Variants in SOX6 observed in about 807,000 individuals in gnomAD.
SOX6 encodes the protein SRY-box transcription factor 6, also known as transcription factor SOX-6.
A neutral mutation model predicts 97.8 loss-of-function variants in SOX6; 11 were observed. The observed-to-expected ratio is 0.11, with a 90% confidence interval of 0.07 to 0.19. SOX6 has a LOEUF of 0.19. Ranked by LOEUF, SOX6 falls within the 10% of genes least tolerant of loss-of-function variation. The probability of loss-of-function intolerance (pLI) is 1.00; values close to 1 mark genes in which losing one functional copy is unlikely to be tolerated. For missense variants in SOX6, 810 were observed against 1,039.5 expected (o/e 0.78, Z 3.04); for synonymous variants, 360 against 371.4 (o/e 0.97, Z 0.35).
At chr11:16,460,735 T>C (rs766660782) in intron 1 of SOX6, among the ~76,000 whole-genome samples, 1 of 152,092 alleles carries the variant, frequency 6.6e-6, no homozygotes, top group Non-Finnish European at 1.5e-5. Context: ...GAGAGAGTTT[T>C]AAAAGTAACC....
At chr11:16,596,154 T>C (rs921273735) in intron 4 of SOX6, among the ~76,000 whole-genome samples, 1 of 152,252 alleles carries the variant, frequency 6.6e-6, no homozygotes, top group Non-Finnish European at 1.5e-5. Flanking sequence ...TTGTCCATTT[T>C]CTAAAAGTGT....
At chr11:16,713,359 A>C (rs1027923503) in intron 3 of SOX6, among the ~76,000 whole-genome samples, 1 of 149,318 alleles carries the variant, frequency 6.7e-6, no homozygotes, top group Non-Finnish European at 1.5e-5. Context: ...AATATAGACA[A>C]AATAGTCCTC....
At position 16,551,862 on chromosome 11, in the gene SOX6, C is replaced by T. The variant is rs538271161; in HGVS notation, n.609+60219G>A. Among the ~76,000 whole-genome samples, 9 of 152,210 alleles carry T rather than the reference C, an allele frequency of 5.9e-5. No homozygotes were observed. The East Asian group carries it at 1.7e-3, about 29-fold the overall frequency. On this transcript the variant is annotated intron_variant and non_coding_transcript_variant, in intron 4 of 5. Transcript: ENST00000524520. ...TCAGGTGATCTGCCCACCTCAGCCT[C>T]CCAAAGTGCTGGGATTACAGGCATG...
chr11:16,655,441 C>T (rs1847708060), intron 3 of SOX6, among the ~76,000 whole-genome samples: 1 of 152,118 alleles, frequency 6.6e-6, no homozygotes, highest in Admixed American at 6.6e-5. Flanking sequence ...CGAAAGGTGA[C>T]ATAAAGGGCA....
intron 6 of SOX6, among the ~76,000 whole-genome samples, chr11:16,139,990 C>T (rs369119301): frequency 1.8e-4 from 26 of 146,624 alleles, no homozygotes; most frequent in African/African-American, 3.0e-4. Context: ...ATATGACATA[C>T]GGGAGATAGG....
intron 1 of SOX6, among the ~76,000 whole-genome samples, chr11:16,386,055 T>C (rs115591915): frequency 0.017 from 2,589 of 152,274 alleles, 70 homozygotes; most frequent in African/African-American, 0.059. Flanking sequence ...CCCAGCCTTA[T>C]TTCAAAGCTG....
rs1243620793 is a variant in SOX6, at chr11:16,607,802, G to C, written n.609+4279C>G. On this transcript the variant is annotated intron_variant and non_coding_transcript_variant, in intron 4 of 5. Coordinates refer to the SOX6 transcript ENST00000524520. This position sits in a 1 kb window ranked among gnomAD's most constrained non-coding sequence, Gnocchi z 6.5. ...ATCTGAGCGAGGGAGAGGAGGCTGG[G>C]CTCCCCTCCCAGACAACACAGGCAA... 6.6e-6 allele frequency: 1 copy of C among 152,390 alleles called. No individual in the cohort carries two copies. Among genetic ancestry groups the C allele is most frequent in the African/African-American group, 2.4e-5 (1 of 41,430 alleles). The allele number at this position is 152,390 out of a possible 1,614,324, so 9.4% of individuals were successfully genotyped here. A position where few individuals can be genotyped will look rare whatever the true frequency, so the allele number is the denominator to read the frequency against.
intron 3 of SOX6, among the ~76,000 whole-genome samples, chr11:16,251,593 T>A (rs529557701): frequency 6.6e-6 from 1 of 152,144 alleles, no homozygotes; most frequent in Non-Finnish European, 1.5e-5. Flanking sequence ...GGATCTATAA[T>A]GTAAAGCCCT....
upstream of SOX6, among the ~76,000 whole-genome samples, chr11:16,356,919 A>G (rs190291978): frequency 3.9e-5 from 6 of 152,256 alleles, no homozygotes; most frequent in East Asian, 1.2e-3. Context: ...TCTGTTTGGT[A>G]GAGAGGATAC....
chr11:16,413,252 T>C (rs1858858280), intron 1 of SOX6, among the ~76,000 whole-genome samples: 1 of 152,168 alleles, frequency 6.6e-6, no homozygotes, highest in Non-Finnish European at 1.5e-5. Flanking sequence ...AAAGTATTCT[T>C]CATTCGATAA....
intron 3 of SOX6, among the ~76,000 whole-genome samples, chr11:16,641,665 C>T (rs1467838945): frequency 5.3e-5 from 8 of 152,182 alleles, no homozygotes; most frequent in Non-Finnish European, 1.2e-4. Flanking sequence ...ATGTAATGGC[C>T]TTCTTTGTCT....
At chr11:16,098,318 T>C (rs1359142633) in intron 7 of SOX6, among the ~76,000 whole-genome samples, 1 of 151,860 alleles carries the variant, frequency 6.6e-6, no homozygotes, top group East Asian at 1.9e-4. Context: ...TAGTACAGAA[T>C]CATGCATACT....
At chr11:15,974,463 A>C (rs1225009169) in intron 15 of SOX6, among the ~76,000 whole-genome samples, 2 of 134,108 alleles carry the variant, frequency 1.5e-5, no homozygotes, top group Non-Finnish European at 3.0e-5. Context: ...ATATGTATAC[A>C]TGTGCCATGC....
chr11:16,233,136 T>C (rs957694655), intron 4 of SOX6, among the ~76,000 whole-genome samples: 13 of 152,180 alleles, frequency 8.5e-5, no homozygotes, highest in Non-Finnish European at 1.9e-4. Context: ...TTATCAAATT[T>C]TCATCTTAAC....
chr11:16,046,571 A>G lies in SOX6; in HGVS notation c.1566T>C (p.Val522=). The change falls in exon 12 of 16, where the codon GTT becomes GTC. Residue 522 remains valine, a synonymous_variant. Coordinates refer to ENST00000683767, the MANE Select transcript of SOX6 (RefSeq NM_001367873.1). ...TATTTATGGAGGACAGTTTCCCGTC[A>G]ACACCATGTGGCTGTTGCTGCTGTT... ...REQQQQQPHG[V]DGKLSSINNM... is the part of the protein sequence containing the mutation. 1 of 1,613,792 alleles carries G rather than the reference A, an allele frequency of 6.2e-7. No individual in the cohort carries two copies. Among genetic ancestry groups the G allele is most frequent in the Non-Finnish European group, 8.5e-7 (1 of 1,179,818 alleles).
intron 6 of SOX6, among the ~76,000 whole-genome samples, chr11:16,143,806 C>G (rs570116323): frequency 2.7e-4 from 41 of 152,280 alleles, no homozygotes; most frequent in Middle Eastern, 3.4e-3. Flanking sequence ...AGCTAAGTAT[C>G]CTAAATACAT....
intron 4 of SOX6, among the ~76,000 whole-genome samples, chr11:16,528,337 C>A (rs1861196613): frequency 1.3e-5 from 2 of 152,058 alleles, no homozygotes; most frequent in Non-Finnish European, 2.9e-5. Flanking sequence ...ACATCTCATA[C>A]CAATATTTCA....
In SOX6 at chr11:15,974,310, T is replaced by C. The variant is rs191629649; in HGVS notation, c.2184-1198A>G. 5.0e-3 allele frequency among the ~76,000 whole-genome samples: 747 copies of C among 150,170 alleles called. 2 individuals carry two copies. Among genetic ancestry groups the C allele is most frequent in the African/African-American group, 0.017 (699 of 41,038 alleles). On this transcript the variant is annotated intron_variant, in intron 15 of 15. Transcript: ENST00000683767. ...CCATCTCACTCAAACAGGAAAATACTCTGAATCTATGAAGAAGTAGCTTAG... is the reference window on the plus strand; with the variant it reads ...CCATCTCACTCAAACAGGAAAATACCCTGAATCTATGAAGAAGTAGCTTAG...
intron 12 of SOX6, among the ~76,000 whole-genome samples, chr11:16,016,919 G>A (rs1205160413): frequency 3.3e-5 from 5 of 151,938 alleles, no homozygotes; most frequent in African/African-American, 4.8e-5. Flanking sequence ...AAAATCAACA[G>A]ACCGTGCTAT....
Sources: allele counts gnomAD v4.1 joint callset (sites outside exome capture counted in the v4.1 genomes callset), GRCh38; gene constraint gnomAD v4.1.1; non-coding constraint Gnocchi (gnomAD v3.1); transcripts MANE v1.5; gene names NCBI Gene and HGNC (gene_info 2026-07-23, HGNC 2026-07-21).